The following ARHGAP6 variants were observed in gnomAD, a reference collection of about 807,000 sequenced individuals.
ARHGAP6 encodes the protein Rho GTPase activating protein 6.
Under a neutral mutation model 55.7 loss-of-function variants are expected in ARHGAP6, and 16 were observed. The observed-to-expected ratio is 0.29, with a 90% confidence interval of 0.19 to 0.44. The LOEUF (loss-of-function observed/expected upper bound fraction) is 0.44. ARHGAP6 is among the 20% of genes least tolerant of loss of function. The pLI is 1.00. For synonymous variants in ARHGAP6, 382 were observed against 360.9 expected (o/e 1.06, Z -0.66); for missense variants, 698 against 808.9 (o/e 0.86, Z 1.66).
At position 11,139,140 on chromosome X, in the gene ARHGAP6, G is replaced by A; in HGVS notation, c.2648C>T (p.Pro883Leu). ...CGCGGGCTTCCCTGGGCCCGGGTAT[G>A]GAGGCGGGGGCCGCTTGTCATCCCT... is the stretch of plus-strand genomic sequence containing the variant. Reference protein sequence around the residue: ...SGRDDKRPPPPYPGPGKPAAA... With the variant: ...SGRDDKRPPPLYPGPGKPAAA... The change falls in exon 13 of 13, where the codon CCA becomes CTA. Residue 883 changes from proline (P) to leucine (L), a missense_variant. By Grantham distance (98) the Pro-to-Leu change is moderately conservative (BLOSUM62 -3). This residue lies in a region of ARHGAP6 where 212 missense variants were observed against 208.7 expected (regional missense o/e 1.02). Coordinates refer to ENST00000337414, the MANE Select transcript of ARHGAP6 (RefSeq NM_013427.3). The A allele has an allele frequency of 1.7e-6, 2 of 1,205,381 alleles. No individual in the cohort carries two copies. The highest frequency in any genetic ancestry group is 1.7e-5 in the African/African-American group (1 of 57,911).
intron 12 of ARHGAP6, among the ~76,000 whole-genome samples, chrX:11,141,740 T>G (rs1410490776): frequency 8.9e-6 from 1 of 112,320 alleles, no homozygotes; most frequent in Non-Finnish European, 1.9e-5. Context: ...TGGAAAGCCT[T>G]GTTATATTTG....
chrX:11,520,991 C>A (rs1160974938), intron 1 of ARHGAP6, among the ~76,000 whole-genome samples: 1 of 111,915 alleles, frequency 8.9e-6, no homozygotes, highest in East Asian at 2.8e-4. Flanking sequence ...TATCCTTCAC[C>A]CACTTGTTGA....
At chrX:11,397,454 A>G (rs922056482) in intron 1 of ARHGAP6, among the ~76,000 whole-genome samples, 3 of 111,517 alleles carry the variant, frequency 2.7e-5, no homozygotes, top group Non-Finnish European at 3.8e-5. Flanking sequence ...TGAAGATGTA[A>G]TATAATATAT....
At chrX:11,653,228 A>G (rs1233934803) in intron 1 of ARHGAP6, among the ~76,000 whole-genome samples, 1 of 112,428 alleles carries the variant, frequency 8.9e-6, no homozygotes, top group Non-Finnish European at 1.9e-5. Flanking sequence ...GTTACCATGT[A>G]CTGGAATGAA....
intron 1 of ARHGAP6, among the ~76,000 whole-genome samples, chrX:11,437,987 C>G (rs946557715): frequency 8.9e-6 from 1 of 112,660 alleles, no homozygotes; most frequent in Non-Finnish European, 1.9e-5. Flanking sequence ...CTTGTTCCTA[C>G]GTCCAGAGGT....
chrX:11,463,160 C>A (rs1011892594), intron 1 of ARHGAP6, among the ~76,000 whole-genome samples: 1 of 111,920 alleles, frequency 8.9e-6, no homozygotes, highest in Non-Finnish European at 1.9e-5. Context: ...AGTAGGGAGA[C>A]CTCACTATAC....
At chrX:11,655,842 G>A (rs1451471438) in intron 1 of ARHGAP6, among the ~76,000 whole-genome samples, 1 of 112,463 alleles carries the variant, frequency 8.9e-6, no homozygotes, top group Non-Finnish European at 1.9e-5. Context: ...ACTGCTATCT[G>A]CATGCAGACT....
rs1019271706 is a variant in ARHGAP6 at position 11,248,969 on chromosome X, CAT to C, written c.748+5577_748+5578del. Among the ~76,000 whole-genome samples, 11 of 111,890 alleles carry C rather than the reference CAT, an allele frequency of 9.8e-5. No individual in the cohort carries two copies. In the South Asian group the frequency reaches 2.6e-3, roughly 27 times the overall value. ...TATACAGAAAAGATACTTGCACACA[CAT>C]GTTTACAGCCACACAATTCGCAACT... On this transcript the variant is annotated intron_variant, in intron 2 of 12. Transcript: ENST00000337414.
At chrX:11,425,562 T>C (rs757243242) in intron 1 of ARHGAP6, among the ~76,000 whole-genome samples, 1 of 111,754 alleles carries the variant, frequency 8.9e-6, no homozygotes, top group Admixed American at 9.5e-5. Flanking sequence ...AAATTCCCTC[T>C]GGAATCTTCC....
At chrX:11,399,354 C>CAAAAAAA (rs56197001) in intron 1 of ARHGAP6, among the ~76,000 whole-genome samples, 3 of 35,329 alleles carry the variant, frequency 8.5e-5, no homozygotes, top group African/African-American at 1.1e-4. Context: ...AATAAGCAAT[C>CAAAAAAA]AAAAAAAAAA....
intron 1 of ARHGAP6, among the ~76,000 whole-genome samples, chrX:11,512,704 A>G (rs1472890966): frequency 9.0e-6 from 1 of 111,594 alleles, no homozygotes; most frequent in Non-Finnish European, 1.9e-5. Context: ...AACCATATGG[A>G]AAAGAACCCA....
At chrX:11,340,337 C>T (rs2048687955) in intron 1 of ARHGAP6, among the ~76,000 whole-genome samples, 1 of 111,986 alleles carries the variant, frequency 8.9e-6, no homozygotes, top group African/African-American at 3.2e-5. Context: ...ATGATTACCC[C>T]ATGTGTCCCC....
chrX:11,661,276 T>G (rs1463527227), intron 1 of ARHGAP6, among the ~76,000 whole-genome samples: 1 of 112,477 alleles, frequency 8.9e-6, no homozygotes, highest in Non-Finnish European at 1.9e-5. Context: ...GTTCCAACTG[T>G]GTTACCACGT....
intron 1 of ARHGAP6, among the ~76,000 whole-genome samples, chrX:11,610,809 A>G (rs1227419761): frequency 8.9e-6 from 1 of 111,833 alleles, no homozygotes; most frequent in African/African-American, 3.3e-5. Context: ...GTCCATTAGC[A>G]TTCATGCCCC....
chrX:11,294,666 C>T (rs2048050948), intron 1 of ARHGAP6: 1 of 814,610 alleles, frequency 1.2e-6, no homozygotes, highest in African/African-American at 2.0e-5. Context: ...ACAATGGCTC[C>T]ATCCTTCTTA....
In ARHGAP6 at chrX:11,617,787, C is replaced by T. The variant is rs1363082523; in HGVS notation, c.588+46454G>A. Among the ~76,000 whole-genome samples the T allele has an allele frequency of 3.6e-5, 4 of 111,303 alleles. No homozygotes were observed. The East Asian group carries it at 1.1e-3, about 31-fold the overall frequency. ...GGCTGGAAGGGGAGTTTTATAAGGT[C>T]GTGCTGCTTGAGCTGAATGCTTGCA... On this transcript the variant is annotated intron_variant, in intron 1 of 12. Transcript: ENST00000337414.
intron 1 of ARHGAP6, among the ~76,000 whole-genome samples, chrX:11,492,323 A>T (rs904936134): frequency 8.9e-6 from 1 of 111,893 alleles, no homozygotes; most frequent in African/African-American, 3.3e-5. Context: ...TAAACGTTAG[A>T]CCTAAAACCA....
intron 1 of ARHGAP6, among the ~76,000 whole-genome samples, chrX:11,317,960 T>C (rs1172465829): frequency 8.9e-6 from 1 of 112,181 alleles, no homozygotes; most frequent in African/African-American, 3.2e-5. Flanking sequence ...GAAAGTGCCA[T>C]TATCCACTTC....
chrX:11,476,727 G>C (rs1009936868), intron 1 of ARHGAP6, among the ~76,000 whole-genome samples: 2 of 111,055 alleles, frequency 1.8e-5, no homozygotes, highest in African/African-American at 6.5e-5. Context: ...TAATTTAATG[G>C]GGAAAGGAGA....
Sources: gnomAD v4.1 joint callset for allele counts (sites outside exome capture counted in the v4.1 genomes callset) on GRCh38, gnomAD v4.1.1 for gene constraint, gnomAD v4.1.1 regional missense constraint, MANE v1.5 for transcripts, NCBI Gene and HGNC (gene_info 2026-07-23, HGNC 2026-07-21) for gene names.